Variants in ARHGEF10 observed in about 807,000 individuals in gnomAD.
The protein encoded by ARHGEF10 is Rho guanine nucleotide exchange factor (GEF) 10.
Under a neutral mutation model 147.4 loss-of-function variants are expected in ARHGEF10, and 140 were observed. The observed-to-expected ratio is 0.95, with a 90% CI of 0.83 to 1.09. The LOEUF (loss-of-function observed/expected upper bound fraction) is 1.09, where lower values mean the gene tolerates loss of function less well. Ranked by LOEUF, ARHGEF10 falls within the 50% of genes least tolerant of loss-of-function variation. The pLI is 0.00. For synonymous variants in ARHGEF10, 902 were observed against 695.8 expected, an observed-to-expected ratio of 1.30 and a Z score of -4.67; for missense variants, 2,222 against 1,752.7, an observed-to-expected ratio of 1.27 and a Z score of -4.78.
At chr8:1,854,775 C>G (rs1335201538) in intron 2 of ARHGEF10, among the ~76,000 whole-genome samples, 2 of 152,234 alleles carry the variant, frequency 1.3e-5, no homozygotes, top group African/African-American at 4.8e-5. Context: ...TCGTCATTCT[C>G]TCATTCATTC....
At chr8:1,858,677 G>A (rs1805805403) in intron 3 of ARHGEF10, 1 of 157,358 alleles carries the variant, frequency 6.4e-6, no homozygotes, top group Non-Finnish European at 1.4e-5. Context: ...GACTGCTCAG[G>A]TCAGGCAGTG....
At chr8:1,845,791 A>G (rs576466103) in intron 2 of ARHGEF10, among the ~76,000 whole-genome samples, 1 of 152,258 alleles carries the variant, frequency 6.6e-6, no homozygotes, top group African/African-American at 2.4e-5. Flanking sequence ...GCTTCTGAAG[A>G]AGGTTCCTGG....
At chr8:1,912,675 G>A (rs1467723428) in intron 18 of ARHGEF10, among the ~76,000 whole-genome samples, 1 of 152,308 alleles carries the variant, frequency 6.6e-6, no homozygotes, top group East Asian at 1.9e-4. Flanking sequence ...GCAGGCTGGT[G>A]ACCATGGGTC....
chr8:1,903,169 G>A lies in ARHGEF10; in HGVS notation c.1651-112G>A. 27 of 1,347,446 alleles carry A rather than the reference G, an allele frequency of 2.0e-5. No homozygotes were observed. In the South Asian group the frequency reaches 3.0e-4, roughly 15 times the overall value. 83.5% of individuals were successfully genotyped at this position (1,347,446 alleles called of 1,614,324 possible). A position where few individuals can be genotyped will look rare whatever the true frequency, so the allele number is the denominator to read the frequency against. On this transcript the variant is annotated intron_variant, in intron 15 of 28. Transcript: ENST00000349830. ...CAAGAACTGACTTTATTTTTCCCCA[G>A]GATGGCAGATGCCACTGCCTCCTTT...
chr8:1,906,468 G>A (rs977346119), intron 17 of ARHGEF10, among the ~76,000 whole-genome samples: 1 of 152,188 alleles, frequency 6.6e-6, no homozygotes, highest in Non-Finnish European at 1.5e-5. Flanking sequence ...TGTCCTCCCA[G>A]TGAGAGCCAG....
Position 1,858,026 on chromosome 8 carries a change from G to A in ARHGEF10, c.104G>A (p.Ser35Asn), listed in dbSNP as rs746880011. The A allele has an allele frequency of 6.2e-7, 1 of 1,614,138 alleles. No individual in the cohort carries two copies. Among genetic ancestry groups the A allele is most frequent in the South Asian group, 1.1e-5 (1 of 91,080 alleles). Residue 35 changes from serine (S) to asparagine (N), a missense_variant, in exon 3 of 29, where the codon AGT becomes AAT. Coordinates refer to ENST00000349830, the MANE Select transcript of ARHGEF10 (RefSeq NM_014629.4). ...EEEGEQFDFD[S>N]GDEIPEADRQ... The stretch of plus-strand genomic sequence containing the variant: ...GAGGGAGAACAGTTCGATTTTGACA[G>A]TGGAGATGAAATCCCAGAAGCGGAC...
In ARHGEF10 at chr8:1,898,358, G is replaced by A. The variant is rs967250339; in HGVS notation, c.1558-75G>A. On this transcript the variant is annotated intron_variant, in intron 14 of 28. Transcript: ENST00000349830. ...ACTTTCCCGAGTGTTCAGTGTGGTG[G>A]GGAGGAGGCGGCCCCAGGGGCAGGG... 9.3e-6 allele frequency: 12 copies of A among 1,290,364 alleles called. No homozygotes were observed. The African/African-American group carries it at 1.5e-4, about 16-fold the overall frequency. 79.9% of individuals were successfully genotyped at this position (1,290,364 alleles called of 1,614,324 possible).
intron 18 of ARHGEF10, among the ~76,000 whole-genome samples, chr8:1,913,163 C>G (rs905421558): frequency 1.3e-5 from 2 of 152,054 alleles, no homozygotes; most frequent in Non-Finnish European, 2.9e-5. Context: ...GGCGCATAGC[C>G]CCACCTTTGG....
chr8:1,918,686 T>C (rs1436715169), intron 18 of ARHGEF10, among the ~76,000 whole-genome samples: 1 of 152,228 alleles, frequency 6.6e-6, no homozygotes, highest in Non-Finnish European at 1.5e-5. Context: ...CTCTTAGTGA[T>C]TTTCAAGTAT....
intron 4 of ARHGEF10, among the ~76,000 whole-genome samples, chr8:1,861,971 T>G (rs1474843379): frequency 6.6e-6 from 1 of 152,400 alleles, no homozygotes; most frequent in South Asian, 2.1e-4. Context: ...TAAAACAATT[T>G]GCTTATTTTT....
chr8:1,957,582 T>G lies in ARHGEF10; in HGVS notation c.*319T>G. 3 of 408,138 alleles carry G rather than the reference T, an allele frequency of 7.4e-6. No individual in the cohort carries two copies. Among genetic ancestry groups the G allele is most frequent in the Non-Finnish European group, 1.3e-5 (3 of 225,620 alleles). The allele number at this position is 408,138 out of a possible 1,614,324, so 25.3% of individuals were successfully genotyped here. On this transcript the variant is annotated 3_prime_UTR_variant, in exon 29 of 29. Transcript: ENST00000349830. The stretch of plus-strand genomic sequence containing the variant: ...CATATGTGAATACTAAATGTTAAAC[T>G]TCATCAGCGTCAGACCTATTGTATC...
chr8:1,840,801 T>C (rs1162164412), intron 1 of ARHGEF10, among the ~76,000 whole-genome samples: 2 of 152,182 alleles, frequency 1.3e-5, no homozygotes, highest in Non-Finnish European at 2.9e-5. Flanking sequence ...GATAACATCC[T>C]TTGTCATCCT....
rs775205753 is a variant in ARHGEF10 at position 1,843,304 on chromosome 8, C to T, written c.-47-49C>T. ...TCGACAGCCCTACACCTATTGAGTG[C>T]ATGTTTATCCACCTGAACGGTGACA... On this transcript the variant is annotated intron_variant, in intron 1 of 28. Coordinates refer to ENST00000349830, the MANE Select transcript of ARHGEF10 (RefSeq NM_014629.4). 70 of 1,455,742 alleles carry T rather than the reference C, an allele frequency of 4.8e-5. 1 individual carries two copies. The East Asian group carries it at 1.5e-3, about 31-fold the overall frequency. 90.2% of individuals were successfully genotyped at this position (1,455,742 alleles called of 1,614,324 possible).
At chr8:1,861,094 G>GT (rs1397431076) in intron 4 of ARHGEF10, among the ~76,000 whole-genome samples, 3 of 152,212 alleles carry the variant, frequency 2.0e-5, no homozygotes, top group Admixed American at 6.5e-5. Context: ...GCCCTCGTGG[G>GT]TGCCTCGCTC....
chr8:1,893,773 A>C (rs1255738778), intron 12 of ARHGEF10, 127 bp downstream of exon 12: 4 of 710,276 alleles, frequency 5.6e-6, no homozygotes, highest in Admixed American at 4.4e-5. Context: ...CAAAATTCTC[A>C]AAAGGATCTA....
intron 9 of ARHGEF10, 58 bp downstream of exon 9, chr8:1,880,222 C>G (rs894168091): frequency 2.4e-6 from 3 of 1,241,192 alleles, no homozygotes; most frequent in East Asian, 2.3e-5. Context: ...AAAGAAAAAC[C>G]GCGCGGCTCG....
Position 1,909,388 on chromosome 8 carries a change from C to T in ARHGEF10, c.2061C>T (p.Ser687=). The T allele has an allele frequency of 1.2e-6, 2 of 1,614,148 alleles. No homozygotes were observed. The highest frequency in any genetic ancestry group is 1.7e-6 in the Non-Finnish European group (2 of 1,180,042). The change falls in exon 18 of 29, where the codon AGC becomes AGT. Residue 687 remains serine (S), a synonymous_variant. Transcript: ENST00000349830. ...ATGTGGACGCCATCGAGTATGGCAG[C>T]AGCGCAGGCACGGGCGAGCACAGCA... ...LGHVDAIEYG[S]SAGTGEHSRH... is the part of the protein sequence containing the mutation.
chr8:1,914,569 G>T (rs1214635548), intron 18 of ARHGEF10, among the ~76,000 whole-genome samples: 1 of 152,226 alleles, frequency 6.6e-6, no homozygotes, highest in Non-Finnish European at 1.5e-5. Flanking sequence ...CGTTTTGAAG[G>T]TGAGAGGACA....
chr8:1,953,862 C>G lies in ARHGEF10; in HGVS notation c.3520+1035C>G, dbSNP rs368581682. Reference sequence around the variant, plus strand: ...GGGGGAAATACTAACAGAGAAAACGCTTTGCAGGAAGCTTGTAGAGCAGAA... The same window carrying G: ...GGGGGAAATACTAACAGAGAAAACGGTTTGCAGGAAGCTTGTAGAGCAGAA... On this transcript the variant is annotated intron_variant, in intron 28 of 28. Transcript: ENST00000349830. Among the ~76,000 whole-genome samples the G allele has an allele frequency of 3.0e-4, 46 of 152,266 alleles. 1 individual carries two copies. The East Asian group carries it at 6.4e-3, about 21-fold the overall frequency.
Sources: gnomAD v4.1 joint callset for allele counts (sites outside exome capture counted in the v4.1 genomes callset) on GRCh38, gnomAD v4.1.1 for gene constraint, MANE v1.5 for transcripts, NCBI Gene and HGNC (gene_info 2026-07-23, HGNC 2026-07-21) for gene names.